The following GALNTL6 variants were observed in gnomAD, a reference collection of about 807,000 sequenced individuals.
GALNTL6 encodes the protein polypeptide N-acetylgalactosaminyltransferase like 6, also known as polypeptide N-acetylgalactosaminyltransferase-like 6.
GALNTL6 carries 46 observed loss-of-function variants against 73.7 expected under a neutral mutation model. The ratio of observed to expected loss-of-function variants is 0.62; its 90% CI spans 0.49 to 0.80. The LOEUF (loss-of-function observed/expected upper bound fraction) is 0.80, where lower values mean the gene tolerates loss of function less well. Ranked by LOEUF, GALNTL6 falls within the 30% of genes least tolerant of loss-of-function variation. GALNTL6 has a pLI of 0.00. For missense variants in GALNTL6, 604 were observed against 755.0 expected (o/e 0.80, Z 2.34); for synonymous variants, 259 against 263.7 (o/e 0.98, Z 0.17).
intron 2 of GALNTL6, among the ~76,000 whole-genome samples, chr4:172,222,781 A>C (rs2110951828): frequency 6.6e-6 from 1 of 152,074 alleles, no homozygotes; most frequent in South Asian, 2.1e-4. Flanking sequence ...ACAAAGGATA[A>C]ATTTGCAAGT....
chr4:172,243,399 C>G (rs565744056), intron 3 of GALNTL6, among the ~76,000 whole-genome samples: 2 of 152,056 alleles, frequency 1.3e-5, no homozygotes, highest in Admixed American at 1.3e-4. Flanking sequence ...TATTTACACA[C>G]ATGTATTTAC....
chr4:172,184,086 G>A (rs183331198), intron 2 of GALNTL6, among the ~76,000 whole-genome samples: 41 of 152,224 alleles, frequency 2.7e-4, no homozygotes, highest in Admixed American at 1.8e-3. Context: ...CACCGCATCC[G>A]GCCGCAGACT....
At chr4:173,030,101 C>A (rs1356728442) in intron 12 of GALNTL6, among the ~76,000 whole-genome samples, 2 of 152,164 alleles carry the variant, frequency 1.3e-5, no homozygotes, top group African/African-American at 2.4e-5. Context: ...TTGCTGAAAA[C>A]CAGATGCCCA....
intron 3 of GALNTL6, among the ~76,000 whole-genome samples, chr4:172,296,177 T>C (rs1036117749): frequency 8.5e-5 from 13 of 152,158 alleles, no homozygotes; most frequent in Non-Finnish European, 1.9e-4. Flanking sequence ...AAATTTTCAT[T>C]AAGAATGTGT....
intron 5 of GALNTL6, among the ~76,000 whole-genome samples, chr4:172,567,708 T>C (rs1736608626): frequency 6.6e-6 from 1 of 151,990 alleles, no homozygotes; most frequent in African/African-American, 2.4e-5. Context: ...TGGTAGCAGG[T>C]GCCTGTAATC....
intron 5 of GALNTL6, among the ~76,000 whole-genome samples, chr4:172,375,276 C>A (rs1256839753): frequency 3.9e-5 from 6 of 152,122 alleles, no homozygotes; most frequent in Admixed American, 3.9e-4. Context: ...GGTCAAGCTG[C>A]AGGATAGTGT....
At chr4:172,772,679 A>G (rs1370239033) in intron 5 of GALNTL6, among the ~76,000 whole-genome samples, 1 of 151,760 alleles carries the variant, frequency 6.6e-6, no homozygotes, top group Non-Finnish European at 1.5e-5. Flanking sequence ...TTTAATTTCT[A>G]TATGATTTTA....
intron 8 of GALNTL6, among the ~76,000 whole-genome samples, chr4:172,925,607 T>A (rs532741811): frequency 6.6e-6 from 1 of 152,320 alleles, no homozygotes; most frequent in East Asian, 1.9e-4. Context: ...ATGGTGTCGA[T>A]AAGCTGAGAA....
At chr4:172,775,204 G>A (rs1427973622) in intron 5 of GALNTL6, among the ~76,000 whole-genome samples, 2 of 152,004 alleles carry the variant, frequency 1.3e-5, no homozygotes, top group East Asian at 3.9e-4. Context: ...AATTTTGTAT[G>A]TCTCTTAGAG....
At chr4:172,896,427 C>T (rs1746335481) in intron 8 of GALNTL6, among the ~76,000 whole-genome samples, 1 of 152,138 alleles carries the variant, frequency 6.6e-6, no homozygotes, top group East Asian at 1.9e-4. Context: ...TCCAGACAGA[C>T]CTGGGGAATG....
intron 2 of GALNTL6, among the ~76,000 whole-genome samples, chr4:171,949,917 C>A (rs117904842): frequency 0.02 from 3,104 of 152,034 alleles, 81 homozygotes; most frequent in East Asian, 0.052. Flanking sequence ...TGGGCGGGGA[C>A]AATATTAAAA....
At chr4:172,268,711 G>C (rs1377132563) in intron 3 of GALNTL6, among the ~76,000 whole-genome samples, 4 of 152,142 alleles carry the variant, frequency 2.6e-5, no homozygotes, top group African/African-American at 9.7e-5. Flanking sequence ...ATTAGGTTTA[G>C]ATGAAATCGT....
At position 172,940,302 on chromosome 4, in the gene GALNTL6, T is replaced by C. The variant is rs148869577; in HGVS notation, c.1149+9034T>C. Among the ~76,000 whole-genome samples the C allele has an allele frequency of 3.6e-4, 55 of 151,820 alleles. No homozygotes were observed. The East Asian group carries it at 0.01, about 28-fold the overall frequency. ...ATGGACTGGTTGCAGTAAACACATATGAACTCAAACCTAATTCCACTTCCC... is the reference window on the plus strand; with the variant it reads ...ATGGACTGGTTGCAGTAAACACATACGAACTCAAACCTAATTCCACTTCCC... On this transcript the variant is annotated intron_variant, in intron 9 of 12. Transcript: ENST00000506823.
intron 5 of GALNTL6, among the ~76,000 whole-genome samples, chr4:172,435,829 A>G (rs1407837578): frequency 6.6e-6 from 1 of 152,160 alleles, no homozygotes; most frequent in Non-Finnish European, 1.5e-5. Context: ...TAAGAATAGT[A>G]TGAGCCTTTT....
At chr4:172,818,872 C>T (rs1741762869) in intron 7 of GALNTL6, among the ~76,000 whole-genome samples, 1 of 152,252 alleles carries the variant, frequency 6.6e-6, no homozygotes, top group African/African-American at 2.4e-5. Flanking sequence ...GTTGGGATTA[C>T]AGGCATGAGC....
intron 2 of GALNTL6, among the ~76,000 whole-genome samples, chr4:171,906,571 A>G (rs1180146912): frequency 1.3e-5 from 2 of 152,210 alleles, no homozygotes; most frequent in African/African-American, 4.8e-5. Flanking sequence ...AGGTACAAGG[A>G]GGAACTGGTG....
intron 5 of GALNTL6, among the ~76,000 whole-genome samples, chr4:172,412,214 T>C (rs1283875836): frequency 6.6e-6 from 1 of 152,102 alleles, no homozygotes; most frequent in African/African-American, 2.4e-5. Context: ...TGGTTAATTT[T>C]TCTATTTTTA....
chr4:171,883,602 T>C (rs1324579644), intron 2 of GALNTL6, among the ~76,000 whole-genome samples: 2 of 152,012 alleles, frequency 1.3e-5, no homozygotes, highest in East Asian at 1.9e-4. Flanking sequence ...TGAAAATAGG[T>C]TTGTCTGAGG....
rs187648293 is a variant in GALNTL6 at position 172,785,767 on chromosome 4, T to C, written c.554-23594T>C. Among the ~76,000 whole-genome samples the C allele has an allele frequency of 3.3e-5, 5 of 152,232 alleles. No homozygotes were observed. In the East Asian group the frequency reaches 9.7e-4, roughly 29 times the overall value. On this transcript the variant is annotated intron_variant, in intron 5 of 12. Coordinates refer to ENST00000506823, the MANE Select transcript of GALNTL6 (RefSeq NM_001034845.3). Reference sequence around the variant, plus strand: ...TAGTTTTCCAGAGAGAAATTTATTGTAAAGTCTTATGCAGAAGGCATTAAT... The same window carrying C: ...TAGTTTTCCAGAGAGAAATTTATTGCAAAGTCTTATGCAGAAGGCATTAAT...
Sources: allele counts gnomAD v4.1 joint callset (sites outside exome capture counted in the v4.1 genomes callset), GRCh38; gene constraint gnomAD v4.1.1; transcripts MANE v1.5; gene names NCBI Gene and HGNC (gene_info 2026-07-23, HGNC 2026-07-21).